The following CASK variants were observed in gnomAD, a reference collection of about 807,000 sequenced individuals.
CASK encodes calcium/calmodulin dependent serine protein kinase.
CASK carries 4 observed loss-of-function variants against 82.9 expected under a neutral mutation model. The observed-to-expected ratio is 0.05, with a 90% CI of 0.02 to 0.11. The LOEUF (loss-of-function observed/expected upper bound fraction) is 0.11, where lower values mean the gene tolerates loss of function less well. Ranked by LOEUF, CASK falls within the 10% of genes least tolerant of loss-of-function variation. The pLI is 1.00. For missense variants in CASK, 358 were observed against 720.9 expected (o/e 0.50, Z 5.76); for synonymous variants, 259 against 253.5 (o/e 1.02, Z -0.20).
chrX:41,863,408 C>T (rs1168364638), intron 1 of CASK, among the ~76,000 whole-genome samples: 2 of 111,756 alleles, frequency 1.8e-5, no homozygotes, highest in African/African-American at 6.5e-5. Flanking sequence ...CCCCAAACCC[C>T]TCCCCAAGGG....
chrX:41,645,458 CCT>C (rs1454524508), intron 8 of CASK, among the ~76,000 whole-genome samples: 1 of 110,951 alleles, frequency 9.0e-6, no homozygotes, highest in Non-Finnish European at 1.9e-5. Context: ...TCATCAATCC[CCT>C]GTCTAAGTAC....
chrX:41,751,354 A>C (rs1424512595), intron 3 of CASK, among the ~76,000 whole-genome samples: 1 of 111,572 alleles, frequency 9.0e-6, no homozygotes, highest in African/African-American at 3.3e-5. Context: ...CTCTCATCTT[A>C]AAGTGCTGGG....
intron 3 of CASK, among the ~76,000 whole-genome samples, chrX:41,753,940 A>T (rs1367513924): frequency 2.7e-5 from 3 of 112,435 alleles, no homozygotes; most frequent in Non-Finnish European, 1.9e-5. Flanking sequence ...AAAATTCCTA[A>T]CATTTGGAAA....
chrX:41,718,622 T>C (rs2068105291), intron 5 of CASK, among the ~76,000 whole-genome samples: 1 of 112,589 alleles, frequency 8.9e-6, no homozygotes, highest in Non-Finnish European at 1.9e-5. Context: ...TCTTGTTGAA[T>C]GAGAGAATAG....
At chrX:41,899,136 TG>T (rs2072323029) in intron 1 of CASK, among the ~76,000 whole-genome samples, 1 of 111,953 alleles carries the variant, frequency 8.9e-6, no homozygotes, top group African/African-American at 3.2e-5. Context: ...TTGTATCGTC[TG>T]GATGAATTGA....
chrX:41,660,595 C>T (rs1476856172), intron 7 of CASK, 34 bp from the exon 8 acceptor site: 2 of 1,167,060 alleles, frequency 1.7e-6, no homozygotes, highest in African/African-American at 1.8e-5. Context: ...ACATAGTTAC[C>T]TTAAATGAGA....
intron 22 of CASK, among the ~76,000 whole-genome samples, chrX:41,540,665 T>C (rs2064935582): frequency 8.9e-6 from 1 of 112,316 alleles, no homozygotes; most frequent in Non-Finnish European, 1.9e-5. Context: ...GCAGGACCAC[T>C]GTGCACCATC....
intron 25 of CASK, 32 bp from the exon 26 acceptor site, chrX:41,524,066 T>A (rs1262654893): frequency 1.0e-6 from 1 of 958,787 alleles, no homozygotes; most frequent in Non-Finnish European, 1.5e-6. Flanking sequence ...AAATCCCGAC[T>A]TAAAAGAAGA....
At chrX:41,744,636 G>A (rs1236432453) in intron 4 of CASK, among the ~76,000 whole-genome samples, 2 of 111,517 alleles carry the variant, frequency 1.8e-5, no homozygotes, top group East Asian at 2.8e-4. Context: ...GAGCCACCGC[G>A]CCCGGCCCAT....
At chrX:41,719,900 T>C (rs1211835468) in intron 5 of CASK, among the ~76,000 whole-genome samples, 1 of 112,769 alleles carries the variant, frequency 8.9e-6, no homozygotes, top group Non-Finnish European at 1.9e-5. Flanking sequence ...CCAGGGCAAA[T>C]ATTTAGGCTA....
At chrX:41,671,862 T>C (rs1305316732) in intron 5 of CASK, among the ~76,000 whole-genome samples, 1 of 111,863 alleles carries the variant, frequency 8.9e-6, no homozygotes. Context: ...TGTCTTCCTT[T>C]GAGTGACAGT....
In CASK at chrX:41,777,385, G is replaced by A. The variant is rs140955990; in HGVS notation, c.278+9793C>T. ...TGCATGCCTGTAGTCCCAGCTACTC[G>A]GGAGGCTGAGGCACGAGAATTGCTT... On this transcript the variant is annotated intron_variant, in intron 3 of 26. Transcript: ENST00000378163. Among the ~76,000 whole-genome samples the A allele has an allele frequency of 1.0e-2, 1,090 of 109,509 alleles. 14 individuals are homozygous for A. Among genetic ancestry groups the A allele is most frequent in the African/African-American group, 0.034 (1,010 of 29,960 alleles).
chrX:41,884,497 G>T (rs1162936815), intron 1 of CASK, among the ~76,000 whole-genome samples: 1 of 112,115 alleles, frequency 8.9e-6, no homozygotes, highest in Non-Finnish European at 1.9e-5. Flanking sequence ...GATAGCTAAA[G>T]AGGTGTACTG....
Position 41,714,578 on chromosome X carries a change from T to C in CASK, c.429+24806A>G, listed in dbSNP as rs982662157. Reference sequence around the variant, plus strand: ...CTGTAGAATAGAAGCTGGAATATCATAGGGACAAATTCTCCATTTGCTACC... The same window carrying C: ...CTGTAGAATAGAAGCTGGAATATCACAGGGACAAATTCTCCATTTGCTACC... On this transcript the variant is annotated intron_variant, in intron 5 of 26. Coordinates refer to ENST00000378163, the MANE Select transcript of CASK (RefSeq NM_001367721.1). Among the ~76,000 whole-genome samples the C allele has an allele frequency of 5.4e-5, 6 of 111,698 alleles. 1 individual carries two copies. The highest frequency in any genetic ancestry group is 9.5e-5 in the Admixed American group (1 of 10,548).
At chrX:41,819,905 C>T (rs191150654) in intron 2 of CASK, among the ~76,000 whole-genome samples, 8 of 111,445 alleles carry the variant, frequency 7.2e-5, no homozygotes, top group African/African-American at 1.6e-4. Context: ...CAAATTAGGA[C>T]GATAAAACAA....
intron 1 of CASK, among the ~76,000 whole-genome samples, chrX:41,870,168 T>A: frequency 9.1e-6 from 1 of 110,438 alleles, no homozygotes; most frequent in Non-Finnish European, 1.9e-5. Flanking sequence ...CATGGCAGGA[T>A]AAACAAAAGA....
intron 14 of CASK, among the ~76,000 whole-genome samples, chrX:41,579,901 T>C (rs2065546949): frequency 8.9e-6 from 1 of 112,096 alleles, no homozygotes; most frequent in Non-Finnish European, 1.9e-5. Context: ...AGAATATGCT[T>C]TGAGCATTAT....
intron 12 of CASK, among the ~76,000 whole-genome samples, chrX:41,602,188 C>T (rs940067116): frequency 2.1e-4 from 24 of 111,844 alleles, no homozygotes; most frequent in African/African-American, 7.5e-4. Flanking sequence ...TGCACTGAAT[C>T]TATAGATCAA....
intron 3 of CASK, among the ~76,000 whole-genome samples, chrX:41,778,822 G>A (rs1319566420): frequency 9.6e-6 from 1 of 104,380 alleles, no homozygotes; most frequent in Non-Finnish European, 1.9e-5. Context: ...CCACCTAAAT[G>A]TTTTTTAACA....
Sources: allele counts gnomAD v4.1 joint callset (sites outside exome capture counted in the v4.1 genomes callset), GRCh38; gene constraint gnomAD v4.1.1; transcripts MANE v1.5; gene names NCBI Gene and HGNC (gene_info 2026-07-23, HGNC 2026-07-21).